The following GALNT3 variants were observed in gnomAD, a reference collection of about 807,000 sequenced individuals.
GALNT3 encodes polypeptide N-acetylgalactosaminyltransferase 3.
Under a neutral mutation model 69.8 loss-of-function variants are expected in GALNT3, and 51 were observed. The ratio of observed to expected loss-of-function variants is 0.73; its 90% CI spans 0.58 to 0.92. The LOEUF is 0.92. Among genes scored for constraint, GALNT3 ranks in the 40% least tolerant of loss-of-function variants. The pLI, the probability that GALNT3 is intolerant of heterozygous loss-of-function variation, is 0.00. For missense variants in GALNT3, 711 were observed against 760.0 expected, an observed-to-expected ratio of 0.94 and a Z score of 0.76; for synonymous variants, 265 against 248.5, an observed-to-expected ratio of 1.07 and a Z score of -0.63.
chr2:165,785,857 A>T (rs1011668929), intron 1 of GALNT3, among the ~76,000 whole-genome samples: 33 of 152,308 alleles, frequency 2.2e-4, no homozygotes, highest in Non-Finnish European at 3.8e-4. Context: ...GACTACATGG[A>T]AAACCAAGCT....
intron 1 of GALNT3, among the ~76,000 whole-genome samples, chr2:165,790,498 A>T (rs1344645790): frequency 1.3e-5 from 2 of 152,298 alleles, no homozygotes; most frequent in Admixed American, 1.3e-4. Flanking sequence ...TTCCTTTTCA[A>T]TAGGATTTTA....
intron 1 of GALNT3, among the ~76,000 whole-genome samples, chr2:165,793,064 G>A (rs1415348316): frequency 6.6e-6 from 1 of 151,990 alleles, no homozygotes; most frequent in Non-Finnish European, 1.5e-5. Flanking sequence ...TAGTTTCTTT[G>A]ATGAGTTGGA....
chr2:165,783,406 A>C (rs1194450888), intron 1 of GALNT3, among the ~76,000 whole-genome samples: 2 of 152,176 alleles, frequency 1.3e-5, no homozygotes, highest in Non-Finnish European at 2.9e-5. Flanking sequence ...CAAAAATATT[A>C]AGGAATAGGG....
chr2:165,771,048 C>G (rs1027162084), intron 1 of GALNT3, among the ~76,000 whole-genome samples: 2 of 151,968 alleles, frequency 1.3e-5, no homozygotes, highest in African/African-American at 4.8e-5. Context: ...AAAATACATT[C>G]TTTTTAAACT....
intron 1 of GALNT3, 21 bp from the exon 2 acceptor site, chr2:165,770,829 T>C (rs1688740340): frequency 9.9e-7 from 1 of 1,013,624 alleles, no homozygotes; most frequent in South Asian, 1.6e-5. Context: ...AAATGATCGA[T>C]GGTATTAGTA....
In GALNT3 at chr2:165,748,667, T is replaced by C; in HGVS notation, c.*114A>G. The C allele has an allele frequency of 1.0e-6, 1 of 963,954 alleles. No homozygotes were observed. Among genetic ancestry groups the C allele is most frequent in the Non-Finnish European group, 1.6e-6 (1 of 640,514 alleles). 59.7% of individuals were successfully genotyped at this position (963,954 alleles called of 1,614,324 possible). A position where few individuals can be genotyped will look rare whatever the true frequency, so the allele number is the denominator to read the frequency against. ...AAGATATAAATAAGAAAAATGCACT[T>C]GGAATAAGTTACATTTAGCTGCTTT... On this transcript the variant is annotated 3_prime_UTR_variant, in exon 11 of 11. Transcript: ENST00000392701.
chr2:165,749,657 T>C, intron 10 of GALNT3, 85 bp downstream of exon 10: 1 of 1,119,602 alleles, frequency 8.9e-7, no homozygotes, highest in Non-Finnish European at 1.4e-6. Flanking sequence ...ATAATATTAA[T>C]GTACCATGTT....
In GALNT3 at chr2:165,770,347, T is replaced by C. The variant is rs1474823777; in HGVS notation, c.354A>G (p.Ser118=). 2.5e-6 allele frequency: 4 copies of C among 1,614,074 alleles called. No individual in the cohort carries two copies. The highest frequency in any genetic ancestry group is 3.4e-6 in the Non-Finnish European group (4 of 1,180,040). Residue 118 remains serine, a synonymous_variant, in exon 2 of 11, where the codon TCA becomes TCG. Coordinates refer to ENST00000392701, the MANE Select transcript of GALNT3 (RefSeq NM_004482.4). ...KPVLDRPPQD[S]NAPGASGKAF... is the part of the protein sequence containing the mutation. ...CTTTACCAGAAGCACCAGGTGCATT[T>C]GAATCCTGAGGTGGACGGTCAAGGA...
chr2:165,766,335 T>G (rs1039131181), intron 2 of GALNT3, among the ~76,000 whole-genome samples: 2 of 152,240 alleles, frequency 1.3e-5, no homozygotes, highest in African/African-American at 2.4e-5. Context: ...CTTGACTGAT[T>G]AGTGGTACTA....
At position 165,770,164 on chromosome 2, in the gene GALNT3, CAATA is replaced by C. The variant is rs1250891924; in HGVS notation, c.515+18_515+21del. ...GCAAAGCCTGGTGATAAAGAATAAA[CAATA>C]AATATTCTTCAACATACTCAGGAGG... is the stretch of plus-strand genomic sequence containing the variant. On this transcript the variant is annotated intron_variant, in intron 2 of 10. Transcript: ENST00000392701. 8.1e-6 allele frequency: 13 copies of C among 1,613,492 alleles called. No individual in the cohort carries two copies. Among genetic ancestry groups the C allele is most frequent in the Non-Finnish European group, 1.1e-5 (13 of 1,179,660 alleles).
At chr2:165,773,827 A>C (rs1688797533) in intron 1 of GALNT3, among the ~76,000 whole-genome samples, 1 of 152,114 alleles carries the variant, frequency 6.6e-6, no homozygotes, top group African/African-American at 2.4e-5. Context: ...ATGAAAACAC[A>C]GATAAATTAT....
intron 6 of GALNT3, 193 bp downstream of exon 6, chr2:165,758,554 C>A: frequency 2.1e-6 from 1 of 475,550 alleles, no homozygotes; most frequent in East Asian, 3.6e-5. Flanking sequence ...TCTTGTTACA[C>A]TGGCGACAAT....
chr2:165,759,245 T>A, intron 5 of GALNT3, 91 bp downstream of exon 5: 1 of 993,974 alleles, frequency 1.0e-6, no homozygotes, highest in Non-Finnish European at 1.6e-6. Context: ...ATCAATTACC[T>A]CAGAGGCAAT....
Position 165,748,244 on chromosome 2 carries a change from T to C in GALNT3, c.*537A>G, listed in dbSNP as rs1216546393. On this transcript the variant is annotated 3_prime_UTR_variant, in exon 11 of 11. Transcript: ENST00000392701. ...ATTCAGTTTCATGTTTAAGGAAACA[T>C]TTGACAGACAAGTAAACCAAACGCA... The C allele has an allele frequency of 4.9e-6, 1 of 204,962 alleles. No individual in the cohort carries two copies. The highest frequency in any genetic ancestry group is 1.0e-5 in the Non-Finnish European group (1 of 100,238). 12.7% of individuals were successfully genotyped at this position (204,962 alleles called of 1,614,324 possible). A position where few individuals can be genotyped will look rare whatever the true frequency, so the allele number is the denominator to read the frequency against.
At chr2:165,780,640 G>GTT (rs1413122574) in intron 1 of GALNT3, among the ~76,000 whole-genome samples, 1 of 149,574 alleles carries the variant, frequency 6.7e-6, no homozygotes, top group African/African-American at 2.5e-5. Context: ...AGGTTTGAGG[G>GTT]GTTTTTTTGT....
intron 1 of GALNT3, among the ~76,000 whole-genome samples, chr2:165,782,514 G>A (rs1683130842): frequency 6.6e-6 from 1 of 152,152 alleles, no homozygotes; most frequent in Admixed American, 6.5e-5. Context: ...TTGGTTTAGA[G>A]AGTCAATATA....
intron 1 of GALNT3, chr2:165,771,380 A>C (rs1688749386): frequency 6.6e-6 from 1 of 152,158 alleles, no homozygotes; most frequent in African/African-American, 2.4e-5. Context: ...TCCTGAAGGA[A>C]CCCCTAAAAA....
At chr2:165,777,754 G>C (rs1036179710) in intron 1 of GALNT3, among the ~76,000 whole-genome samples, 3 of 152,184 alleles carry the variant, frequency 2.0e-5, no homozygotes, top group South Asian at 2.1e-4. Context: ...TGTCTCAGAG[G>C]GGGCAGCAGT....
At position 165,769,991 on chromosome 2, in the gene GALNT3, G is replaced by A; in HGVS notation, c.515+195C>T. On this transcript the variant is annotated intron_variant, in intron 2 of 10. Transcript: ENST00000392701. ...GCTAATAACTTTTCATATCTGCACT[G>A]CCTCACCAAGCATAAATAGGGATAT... 4 of 665,354 alleles carry A rather than the reference G, an allele frequency of 6.0e-6. No homozygotes were observed. The South Asian group carries it at 6.8e-5, about 11-fold the overall frequency. 41.2% of individuals were successfully genotyped at this position (665,354 alleles called of 1,614,324 possible).
Sources: gnomAD v4.1 joint callset for allele counts (sites outside exome capture counted in the v4.1 genomes callset) on GRCh38, gnomAD v4.1.1 for gene constraint, MANE v1.5 for transcripts, NCBI Gene and HGNC (gene_info 2026-07-23, HGNC 2026-07-21) for gene names.